Variants in RAB27B observed in about 807,000 individuals in gnomAD.
RAB27B encodes the protein ras-related protein Rab-27B.
RAB27B carries 15 observed loss-of-function variants against 24.6 expected under a neutral mutation model. The ratio of observed to expected loss-of-function variants is 0.61; its 90% CI spans 0.41 to 0.94. The LOEUF (loss-of-function observed/expected upper bound fraction) is 0.94, where lower values mean the gene tolerates loss of function less well. RAB27B is among the 40% of genes least tolerant of loss of function. RAB27B has a pLI of 0.00. For synonymous variants in RAB27B, 105 were observed against 92.5 expected (o/e 1.14, Z -0.78); for missense variants, 261 against 266.8 (o/e 0.98, Z 0.15).
At chr18:54,861,456 C>T (rs1435510960) in intron 1 of RAB27B, among the ~76,000 whole-genome samples, 2 of 152,146 alleles carry the variant, frequency 1.3e-5, no homozygotes, top group Non-Finnish European at 2.9e-5. Flanking sequence ...GGCAATGAAT[C>T]GTGCTGTGAC....
intron 2 of RAB27B, among the ~76,000 whole-genome samples, chr18:54,812,230 G>C (rs914276033): frequency 6.6e-6 from 1 of 152,088 alleles, no homozygotes; most frequent in African/African-American, 2.4e-5. Flanking sequence ...GTAATATTGA[G>C]ATCAATAGTT....
intron 2 of RAB27B, among the ~76,000 whole-genome samples, chr18:54,800,395 A>G (rs926226298): frequency 1.3e-5 from 2 of 152,236 alleles, no homozygotes; most frequent in Non-Finnish European, 2.9e-5. Context: ...TTCAAAGCCT[A>G]GATTGCAAAG....
At position 54,889,326 on chromosome 18, in the gene RAB27B, GA is replaced by G; in HGVS notation, c.572del (p.Lys191ArgfsTer56). 6.2e-7 allele frequency: 1 copy of G among 1,613,432 alleles called. No individual in the cohort carries two copies. The highest frequency in any genetic ancestry group is 8.5e-7 in the Non-Finnish European group (1 of 1,179,520). ...IMKRMEQCVE[K>X]TQIPDTVNGG... ...TGAAGCGAATGGAACAGTGTGTGGA[GA>G]AGACACAAATCCCTGATACTGTCAA... On this transcript the variant is annotated frameshift_variant, in exon 6 of 6. Transcript: ENST00000262094. LOFTEE classifies it high-confidence loss of function.
At chr18:54,824,811 T>G (rs1383708964), upstream of RAB27B, among the ~76,000 whole-genome samples, 3 of 151,986 alleles carry the variant, frequency 2.0e-5, no homozygotes, top group Non-Finnish European at 4.4e-5. Flanking sequence ...AAACAATCTA[T>G]CATTTTCTTT....
intron 2 of RAB27B, among the ~76,000 whole-genome samples, chr18:54,780,409 C>T (rs1210822883): frequency 7.3e-6 from 1 of 136,218 alleles, no homozygotes; most frequent in Non-Finnish European, 1.6e-5. Flanking sequence ...ACCCTGTCTC[C>T]CCTCTCCTGA....
At chr18:54,817,736 G>A (rs1910164134) in intron 2 of RAB27B, among the ~76,000 whole-genome samples, 1 of 151,836 alleles carries the variant, frequency 6.6e-6, no homozygotes, top group Non-Finnish European at 1.5e-5. Flanking sequence ...TACACAGTCA[G>A]TGTAGTGAAC....
chr18:54,744,889 A>G (rs1833291), intron 2 of RAB27B: 6,456 of 215,824 alleles, frequency 0.03, 434 homozygotes, highest in African/African-American at 0.14. Flanking sequence ...TGGCATCTGC[A>G]TCCTAAATCT....
At chr18:54,876,465 T>C (rs1261089696) in intron 1 of RAB27B, among the ~76,000 whole-genome samples, 2 of 152,214 alleles carry the variant, frequency 1.3e-5, no homozygotes, top group African/African-American at 4.8e-5. Context: ...GAGATAAACC[T>C]TTGCATTCTA....
chr18:54,754,986 G>T (rs1907956344), intron 2 of RAB27B, among the ~76,000 whole-genome samples: 1 of 152,292 alleles, frequency 6.6e-6, no homozygotes, highest in African/African-American at 2.4e-5. Flanking sequence ...TTAGGATGAT[G>T]ATTTATTGAC....
intron 2 of RAB27B, among the ~76,000 whole-genome samples, chr18:54,819,964 G>T (rs866858578): frequency 6.6e-6 from 1 of 151,878 alleles, no homozygotes; most frequent in Non-Finnish European, 1.5e-5. Flanking sequence ...CATTTTTTTG[G>T]CTGCATAGTA....
At chr18:54,805,632 A>G (rs974812466) in intron 2 of RAB27B, among the ~76,000 whole-genome samples, 5 of 152,214 alleles carry the variant, frequency 3.3e-5, no homozygotes, top group Admixed American at 2.0e-4. Context: ...AAATTCTAGC[A>G]TAGGTAATTT....
intron 1 of RAB27B, among the ~76,000 whole-genome samples, chr18:54,865,454 T>C (rs1912179491): frequency 6.6e-6 from 1 of 152,216 alleles, no homozygotes; most frequent in Non-Finnish European, 1.5e-5. Context: ...TTACCCTTTA[T>C]GGATTTCATG....
intron 1 of RAB27B, among the ~76,000 whole-genome samples, chr18:54,862,698 C>T (rs1912055031): frequency 6.6e-6 from 1 of 152,182 alleles, no homozygotes; most frequent in African/African-American, 2.4e-5. Context: ...ACAGGGAATA[C>T]TGATGATCCC....
intron 2 of RAB27B, among the ~76,000 whole-genome samples, chr18:54,795,021 G>T (rs921861685): frequency 1.3e-5 from 2 of 152,216 alleles, no homozygotes; most frequent in African/African-American, 4.8e-5. Flanking sequence ...CAGCATAGCA[G>T]TCTGGTCTGT....
intron 1 of RAB27B, among the ~76,000 whole-genome samples, chr18:54,831,373 A>C (rs1384473130): frequency 6.6e-6 from 1 of 151,982 alleles, no homozygotes; most frequent in Non-Finnish European, 1.5e-5. Flanking sequence ...GTAGCAAGAA[A>C]TGGGGGAGAG....
Position 54,725,943 on chromosome 18 carries a change from G to A in RAB27B, c.-20+7802G>A, listed in dbSNP as rs537655065. 4.0e-5 allele frequency among the ~76,000 whole-genome samples: 6 copies of A among 151,576 alleles called. No individual in the cohort carries two copies. In the East Asian group the frequency reaches 1.2e-3, roughly 29 times the overall value. ...ATCTAACTTGTTATGGAAATCATTG[G>A]TGAACCAGCTGCATAATAAAGTGAA... On this transcript the variant is annotated intron_variant, in intron 2 of 4. Transcript: ENST00000586570.
chr18:54,811,396 GAACGGTGGGAC>G (rs1292145062), intron 2 of RAB27B, among the ~76,000 whole-genome samples: 3 of 152,180 alleles, frequency 2.0e-5, no homozygotes, highest in Non-Finnish European at 4.4e-5. Flanking sequence ...GTTCAGTCCG[GAACGGTGGGAC>G]AACTCAAGAG....
At chr18:54,873,033 G>A (rs1912540716) in intron 1 of RAB27B, among the ~76,000 whole-genome samples, 1 of 152,086 alleles carries the variant, frequency 6.6e-6, no homozygotes, top group Admixed American at 6.6e-5. Flanking sequence ...TTCTAGCTAT[G>A]GAAATTCTGT....
In RAB27B at chr18:54,782,675, C is replaced by T. The variant is rs139416171; in HGVS notation, c.-20+64534C>T. Among the ~76,000 whole-genome samples the T allele has an allele frequency of 2.9e-3, 436 of 152,242 alleles. 6 individuals are homozygous for T. The highest frequency in any genetic ancestry group is 0.028 in the South Asian group (135 of 4,824). On this transcript the variant is annotated intron_variant, in intron 2 of 4. Coordinates refer to the RAB27B transcript ENST00000586570. ...GACTGAAGTTGTTCCTTAAATTCGA[C>T]CATAAAACACAGACTGTTCATACAT... is the stretch of plus-strand genomic sequence containing the variant.
Sources: allele counts gnomAD v4.1 joint callset (sites outside exome capture counted in the v4.1 genomes callset), GRCh38; gene constraint gnomAD v4.1.1; transcripts MANE v1.5; gene names NCBI Gene and HGNC (gene_info 2026-07-23, HGNC 2026-07-21).